The following HSDL2 variants were observed in gnomAD, a reference collection of about 807,000 sequenced individuals.
The protein encoded by HSDL2 is hydroxysteroid dehydrogenase like 2, also known as hydroxysteroid dehydrogenase-like protein 2.
A neutral mutation model predicts 46.3 loss-of-function variants in HSDL2; 27 were observed. The ratio of observed to expected loss-of-function variants is 0.58; its 90% CI spans 0.43 to 0.80. HSDL2 has a LOEUF of 0.80. Ranked by LOEUF, HSDL2 falls within the 30% of genes least tolerant of loss-of-function variation. The probability of loss-of-function intolerance (pLI) is 0.00; values close to 1 mark genes in which losing one functional copy is unlikely to be tolerated. For synonymous variants in HSDL2, 153 were observed against 163.6 expected, an observed-to-expected ratio of 0.94 and a Z score of 0.50; for missense variants, 451 against 502.7, an observed-to-expected ratio of 0.90 and a Z score of 0.98.
intron 4 of HSDL2, among the ~76,000 whole-genome samples, chr9:112,415,019 G>A (rs1249918682): frequency 5.9e-5 from 9 of 151,568 alleles, no homozygotes; most frequent in Admixed American, 1.3e-4. Context: ...GAATGTAAAC[G>A]AAAGCTAAAT....
intron 10 of HSDL2, among the ~76,000 whole-genome samples, chr9:112,464,324 T>A (rs1260574619): frequency 6.6e-6 from 1 of 152,202 alleles, no homozygotes; most frequent in African/African-American, 2.4e-5. Flanking sequence ...ATGTTCTTTA[T>A]TGGATATGTG....
Position 112,418,305 on chromosome 9 carries a change from G to A in HSDL2, c.500-555G>A, listed in dbSNP as rs540520720. Among the ~76,000 whole-genome samples, 31 of 151,676 alleles carry A rather than the reference G, an allele frequency of 2.0e-4. No individual in the cohort carries two copies. The South Asian group carries it at 6.5e-3, about 32-fold the overall frequency. On this transcript the variant is annotated intron_variant, in intron 5 of 10. Transcript: ENST00000398805. ...TTCTCAAAAATATATCAGGGAGGCT[G>A]GGTACGGTGGCTCGTACCTGTAATC...
intron 3 of HSDL2, among the ~76,000 whole-genome samples, chr9:112,407,008 A>G (rs1831747003): frequency 6.6e-6 from 1 of 152,164 alleles, no homozygotes. Context: ...TGGCCAGTGG[A>G]AAATGAGGGA....
At chr9:112,405,595 G>A (rs764254616) in intron 2 of HSDL2, 29 bp from the exon 3 acceptor site, 28 of 1,468,960 alleles carry the variant, frequency 1.9e-5, no homozygotes, top group South Asian at 1.2e-4. Context: ...ATGCTTTAAC[G>A]CTTTTTCATT....
At chr9:112,453,511 G>T (rs1044556474) in intron 8 of HSDL2, among the ~76,000 whole-genome samples, 10 of 152,106 alleles carry the variant, frequency 6.6e-5, no homozygotes, top group Admixed American at 6.6e-4. Context: ...TCTCACCTCA[G>T]CCTCCCAAGT....
At chr9:112,413,782 C>T (rs1202539776) in intron 4 of HSDL2, among the ~76,000 whole-genome samples, 1 of 152,130 alleles carries the variant, frequency 6.6e-6, no homozygotes, top group Non-Finnish European at 1.5e-5. Flanking sequence ...CTCAGCAAGG[C>T]CGTTTTTATA....
intron 1 of HSDL2, among the ~76,000 whole-genome samples, chr9:112,382,645 A>G (rs1186029088): frequency 6.6e-6 from 1 of 152,214 alleles, no homozygotes; most frequent in Non-Finnish European, 1.5e-5. Flanking sequence ...ATTCCGTACA[A>G]CAAAGAATTA....
chr9:112,436,960 C>CTTTTTTTTTTTTTTTTTTTTTT (rs780957603), intron 6 of HSDL2, among the ~76,000 whole-genome samples: 29 of 126,768 alleles, frequency 2.3e-4, no homozygotes, highest in Non-Finnish European at 3.4e-4. Context: ...TTCTTTTTTT[C>CTTTTTTTTTTTTTTTTTTTTTT]TTTTTTTTTT....
intron 8 of HSDL2, among the ~76,000 whole-genome samples, chr9:112,449,276 G>A (rs1271742002): frequency 4.6e-5 from 7 of 151,348 alleles, no homozygotes; most frequent in Admixed American, 6.6e-5. Flanking sequence ...TAGTAGAGAC[G>A]GGGTTTCACC....
chr9:112,404,749 C>T (rs1178084365), intron 2 of HSDL2, among the ~76,000 whole-genome samples: 2 of 152,096 alleles, frequency 1.3e-5, no homozygotes, highest in Non-Finnish European at 2.9e-5. Context: ...TAAGGCATAG[C>T]GCTAGGCACA....
At chr9:112,448,729 T>G (rs924969980) in intron 8 of HSDL2, among the ~76,000 whole-genome samples, 3 of 151,934 alleles carry the variant, frequency 2.0e-5, no homozygotes, top group South Asian at 2.1e-4. Context: ...TTTTATTTTT[T>G]TATTTTTAGT....
intron 1 of HSDL2, among the ~76,000 whole-genome samples, chr9:112,385,594 A>ATTC (rs1409078202): frequency 9.0e-5 from 2 of 22,264 alleles, no homozygotes; most frequent in East Asian, 6.0e-4. Context: ...GGTTCAAGCA[A>ATTC]TTCTGCTTCA....
intron 6 of HSDL2, among the ~76,000 whole-genome samples, chr9:112,430,880 C>T (rs908541096): frequency 2.6e-5 from 4 of 151,594 alleles, no homozygotes; most frequent in Non-Finnish European, 5.9e-5. Context: ...TGGTGAAACC[C>T]CATCTGTACT....
intron 6 of HSDL2, among the ~76,000 whole-genome samples, chr9:112,437,198 G>A (rs1832546821): frequency 6.6e-6 from 1 of 151,878 alleles, no homozygotes; most frequent in Non-Finnish European, 1.5e-5. Flanking sequence ...GACCTCAAGT[G>A]ATCCACCCAC....
chr9:112,455,293 G>C (rs1422589481), intron 9 of HSDL2, among the ~76,000 whole-genome samples: 1 of 131,958 alleles, frequency 7.6e-6, no homozygotes, highest in Non-Finnish European at 1.6e-5. Flanking sequence ...AAAAAAAAAG[G>C]CTACCTCAGC....
At chr9:112,401,094 T>G (rs973263038) in intron 1 of HSDL2, among the ~76,000 whole-genome samples, 1 of 152,136 alleles carries the variant, frequency 6.6e-6, no homozygotes, top group African/African-American at 2.4e-5. Context: ...TATCTTAATT[T>G]TATTCTTTTA....
chr9:112,423,880 ATTT>A (rs999253222), intron 6 of HSDL2, among the ~76,000 whole-genome samples: 2 of 151,078 alleles, frequency 1.3e-5, no homozygotes, highest in African/African-American at 2.4e-5. Flanking sequence ...CGCCCAGCTA[ATTT>A]TTATATTTTT....
At chr9:112,417,470 C>G (rs1406691983) in intron 5 of HSDL2, among the ~76,000 whole-genome samples, 1 of 136,284 alleles carries the variant, frequency 7.3e-6, no homozygotes, top group African/African-American at 2.8e-5. Context: ...GAGCGAGACC[C>G]TGACTCTAAA....
intron 1 of HSDL2, 74 bp from the exon 2 acceptor site, chr9:112,403,921 T>C: frequency 7.0e-7 from 1 of 1,433,294 alleles, no homozygotes; most frequent in Non-Finnish European, 9.6e-7. Context: ...TATGAAAATA[T>C]GCATGAGGTT....
Sources: allele counts gnomAD v4.1 joint callset (sites outside exome capture counted in the v4.1 genomes callset), GRCh38; gene constraint gnomAD v4.1.1; transcripts MANE v1.5; gene names NCBI Gene and HGNC (gene_info 2026-07-23, HGNC 2026-07-21).